KDM2A: variants seen among roughly 807,000 people sequenced by gnomAD.
KDM2A encodes lysine-specific demethylase 2A.
Under a neutral mutation model 137.3 loss-of-function variants are expected in KDM2A, and 3 were observed. That is an observed-to-expected ratio of 0.02 (90% confidence interval 0.01 to 0.06). The LOEUF (loss-of-function observed/expected upper bound fraction) is 0.06, where lower values mean the gene tolerates loss of function less well. Among genes scored for constraint, KDM2A ranks in the 10% least tolerant of loss-of-function variants. The pLI is 1.00. For missense variants in KDM2A, 738 were observed against 1,510.6 expected (o/e 0.49, Z 8.48); for synonymous variants, 512 against 541.5 (o/e 0.95, Z 0.76).
intron 2 of KDM2A, among the ~76,000 whole-genome samples, chr11:67,139,106 C>G (rs1240162766): frequency 6.6e-6 from 1 of 152,126 alleles, no homozygotes; most frequent in Non-Finnish European, 1.5e-5. Context: ...CTCCTTAAGT[C>G]TTATTTAAAT....
At chr11:67,136,738 G>T (rs1301837558) in intron 2 of KDM2A, among the ~76,000 whole-genome samples, 2 of 152,176 alleles carry the variant, frequency 1.3e-5, no homozygotes, top group Non-Finnish European at 2.9e-5. Flanking sequence ...GCAATGCAAA[G>T]TCCTAAGGTA....
intron 2 of KDM2A, among the ~76,000 whole-genome samples, chr11:67,137,328 G>T (rs1565373017): frequency 6.6e-6 from 1 of 152,200 alleles, no homozygotes; most frequent in Non-Finnish European, 1.5e-5. Flanking sequence ...AATGTCAGTG[G>T]TTGCAATGTA....
At position 67,246,128 on chromosome 11, in the gene KDM2A, T is replaced by C; in HGVS notation, c.1965+12T>C. The C allele has an allele frequency of 6.2e-6, 10 of 1,613,436 alleles. No homozygotes were observed. The highest frequency in any genetic ancestry group is 8.5e-6 in the Non-Finnish European group (10 of 1,179,644). ...CTGGCTGCCTCCAGGTGAGGAGAGC[T>C]ATGAGGGGTTCCTGAAGTCTCAGCT... On this transcript the variant is annotated intron_variant, in intron 15 of 20. Transcript: ENST00000529006.
At chr11:67,184,444 A>G (rs903580235) in intron 5 of KDM2A, among the ~76,000 whole-genome samples, 12 of 152,178 alleles carry the variant, frequency 7.9e-5, no homozygotes, top group African/African-American at 2.9e-4. Context: ...CCTGACCAAC[A>G]TGGTGAAACC....
At chr11:67,154,696 C>T (rs1490263915) in intron 2 of KDM2A, among the ~76,000 whole-genome samples, 3 of 152,084 alleles carry the variant, frequency 2.0e-5, no homozygotes, top group Non-Finnish European at 2.9e-5. Flanking sequence ...GCCTTGGCCT[C>T]CCAAAGTGTT....
chr11:67,156,718 CA>C (rs56973148), intron 2 of KDM2A, among the ~76,000 whole-genome samples: 70,522 of 90,884 alleles, frequency 0.78, 27,396 homozygotes, highest in Middle Eastern at 0.89. Context: ...GACTCCATCT[CA>C]AAAAAAAAAA....
At chr11:67,253,705 T>G in intron 19 of KDM2A, 94 bp downstream of exon 19, 2 of 1,314,618 alleles carry the variant, frequency 1.5e-6, no homozygotes, top group South Asian at 1.3e-5. Context: ...GTCTCAGATA[T>G]GACGCTGTGG....
intron 5 of KDM2A, among the ~76,000 whole-genome samples, chr11:67,201,509 G>T (rs1484565024): frequency 6.6e-6 from 1 of 151,728 alleles, no homozygotes; most frequent in Non-Finnish European, 1.5e-5. Flanking sequence ...GGTGGCTCAC[G>T]CCTGTAATCC....
At chr11:67,221,723 C>T (rs1287853816) in intron 10 of KDM2A, among the ~76,000 whole-genome samples, 1 of 151,828 alleles carries the variant, frequency 6.6e-6, no homozygotes, top group Non-Finnish European at 1.5e-5. Context: ...TAATTCCAAC[C>T]CTTTGAGAGC....
chr11:67,180,962 C>CTT (rs374121079), intron 3 of KDM2A, among the ~76,000 whole-genome samples: 116 of 137,964 alleles, frequency 8.4e-4, no homozygotes, highest in African/African-American at 2.7e-3. Context: ...ACACCTGGCC[C>CTT]TTTTTTTTTT....
intron 2 of KDM2A, among the ~76,000 whole-genome samples, chr11:67,174,184 G>A (rs1856931245): frequency 6.6e-6 from 1 of 152,176 alleles, no homozygotes; most frequent in Admixed American, 6.5e-5. Flanking sequence ...CTTGAACCTG[G>A]GAGACAGAGG....
chr11:67,217,792 CA>C lies in KDM2A; in HGVS notation c.750del (p.Lys252AsnfsTer42). The C allele has an allele frequency of 6.2e-7, 1 of 1,613,568 alleles. No homozygotes were observed. ...GAGCTGTACGAGAATTGGCTGCTGT[CA>C]GGGAAACAGGGAGACATCTTTCTGG... Reference protein sequence around the residue: ...NLELYENWLLSGKQGDIFLGD... With the variant: ...NLELYENWLLXGKQGDIFLGD... On this transcript the variant is annotated frameshift_variant, in exon 9 of 21. Transcript: ENST00000529006. LOFTEE classifies it high-confidence loss of function.
intron 5 of KDM2A, among the ~76,000 whole-genome samples, chr11:67,193,131 A>G (rs1261845362): frequency 6.6e-6 from 1 of 152,132 alleles, no homozygotes; most frequent in African/African-American, 2.4e-5. Context: ...CTGGAATTAC[A>G]GGCTCTTGCC....
At position 67,215,819 on chromosome 11, in the gene KDM2A, C is replaced by T. The variant is rs765666025; in HGVS notation, c.594-37C>T. The T allele has an allele frequency of 5.3e-6, 8 of 1,518,096 alleles. No homozygotes were observed. The South Asian group carries it at 9.0e-5, about 17-fold the overall frequency. The allele number at this position is 1,518,096 out of a possible 1,614,324, so 94.0% of individuals were successfully genotyped here. On this transcript the variant is annotated intron_variant, in intron 7 of 20. Coordinates refer to ENST00000529006, the MANE Select transcript of KDM2A (RefSeq NM_012308.3). Reference sequence around the variant, plus strand: ...TTGGTGGGGCAGATGTACTTTTTTCCATCAGTACACTAATGCTGCTGCTTT... The same window carrying T: ...TTGGTGGGGCAGATGTACTTTTTTCTATCAGTACACTAATGCTGCTGCTTT...
chr11:67,122,791 T>C (rs1387701919), intron 2 of KDM2A, among the ~76,000 whole-genome samples: 1 of 151,912 alleles, frequency 6.6e-6, no homozygotes, highest in Non-Finnish European at 1.5e-5. Flanking sequence ...TTCTCCTGCC[T>C]CAGCCTCCCG....
chr11:67,129,113 A>G (rs911375087), intron 2 of KDM2A, among the ~76,000 whole-genome samples: 1 of 152,140 alleles, frequency 6.6e-6, no homozygotes, highest in Non-Finnish European at 1.5e-5. Flanking sequence ...AATGGAGGAC[A>G]CTTTGGCAGG....
intron 5 of KDM2A, among the ~76,000 whole-genome samples, chr11:67,185,251 C>T (rs1191154053): frequency 6.6e-6 from 1 of 152,084 alleles, no homozygotes; most frequent in South Asian, 2.1e-4. Context: ...GCAAAAGAAT[C>T]AGCAAAGATA....
At chr11:67,219,559 A>ATTTT in intron 10 of KDM2A, 156 bp downstream of exon 10, 1 of 331,920 alleles carries the variant, frequency 3.0e-6, no homozygotes, top group Non-Finnish European at 5.4e-6. Context: ...TTTAAATTTA[A>ATTTT]TTTTTTTTTT....
chr11:67,124,012 T>G (rs532059169), intron 2 of KDM2A, among the ~76,000 whole-genome samples: 88 of 147,060 alleles, frequency 6.0e-4, no homozygotes, highest in Non-Finnish European at 1.1e-3. Flanking sequence ...TTTGTTGGTT[T>G]GTTTGTTTTG....
Sources: gnomAD v4.1 joint callset for allele counts (sites outside exome capture counted in the v4.1 genomes callset) on GRCh38, gnomAD v4.1.1 for gene constraint, MANE v1.5 for transcripts, NCBI Gene and HGNC (gene_info 2026-07-23, HGNC 2026-07-21) for gene names.